The following FSTL5 variants were observed in gnomAD, a reference collection of about 807,000 sequenced individuals.
FSTL5 encodes follistatin-related protein 5.
FSTL5 carries 62 observed loss-of-function variants against 89.1 expected under a neutral mutation model. That is an observed-to-expected ratio of 0.70 (90% CI 0.57 to 0.86). FSTL5 has a LOEUF of 0.86. Among genes scored for constraint, FSTL5 ranks in the 40% least tolerant of loss-of-function variants. The pLI is 0.00. For missense variants in FSTL5, 1,057 were observed against 1,001.6 expected, an observed-to-expected ratio of 1.06 and a Z score of -0.75; for synonymous variants, 383 against 346.2, an observed-to-expected ratio of 1.11 and a Z score of -1.18.
chr4:161,909,800 G>A (rs1302400950), intron 4 of FSTL5, among the ~76,000 whole-genome samples: 1 of 151,896 alleles, frequency 6.6e-6, no homozygotes, highest in Non-Finnish European at 1.5e-5. Context: ...ACATCCAGAG[G>A]CTCTACTCCT....
chr4:162,006,582 T>A (rs1308897097), intron 3 of FSTL5, among the ~76,000 whole-genome samples: 1 of 151,988 alleles, frequency 6.6e-6, no homozygotes, highest in Non-Finnish European at 1.5e-5. Flanking sequence ...GAGTACTCAA[T>A]AATTAGCATT....
intron 3 of FSTL5, among the ~76,000 whole-genome samples, chr4:161,980,850 C>T (rs915181859): frequency 7.0e-6 from 1 of 142,172 alleles, no homozygotes; most frequent in Non-Finnish European, 1.5e-5. Context: ...GATCTCGGCA[C>T]ACTGCAACCT....
intron 11 of FSTL5, among the ~76,000 whole-genome samples, chr4:161,502,455 G>C (rs758440716): frequency 6.6e-6 from 1 of 151,754 alleles, no homozygotes; most frequent in Middle Eastern, 3.2e-3. Flanking sequence ...TCAAGATTTA[G>C]TTTTTTATTT....
At chr4:161,993,965 G>A (rs1212963208) in intron 3 of FSTL5, among the ~76,000 whole-genome samples, 1 of 152,084 alleles carries the variant, frequency 6.6e-6, no homozygotes, top group East Asian at 1.9e-4. Context: ...GTGTCATGGG[G>A]GTTTGTTGTA....
intron 11 of FSTL5, among the ~76,000 whole-genome samples, chr4:161,500,376 G>A (rs1222484711): frequency 6.6e-6 from 1 of 151,968 alleles, no homozygotes; most frequent in Admixed American, 6.6e-5. Flanking sequence ...TTAAATAAAT[G>A]TTTCATAGTT....
At chr4:161,949,654 G>T (rs1254303953) in intron 3 of FSTL5, among the ~76,000 whole-genome samples, 1 of 151,224 alleles carries the variant, frequency 6.6e-6, no homozygotes, top group Non-Finnish European at 1.5e-5. Context: ...ATTGTTTATA[G>T]TAATTATTAT....
chr4:161,929,731 T>G (rs1334980313), intron 3 of FSTL5, among the ~76,000 whole-genome samples: 1 of 149,224 alleles, frequency 6.7e-6, no homozygotes, highest in African/African-American at 2.5e-5. Context: ...AATTATAGCT[T>G]AGAAAAACAT....
intron 3 of FSTL5, among the ~76,000 whole-genome samples, chr4:162,029,220 A>G (rs941666205): frequency 6.6e-6 from 1 of 151,824 alleles, no homozygotes; most frequent in Non-Finnish European, 1.5e-5. Flanking sequence ...GCGCCATAAT[A>G]CATTTATTGT....
intron 8 of FSTL5, among the ~76,000 whole-genome samples, chr4:161,582,947 G>T (rs1439706755): frequency 6.6e-6 from 1 of 152,120 alleles, no homozygotes; most frequent in Non-Finnish European, 1.5e-5. Context: ...CAGCACTTTG[G>T]GAGGCTGAAG....
chr4:162,088,535 A>G (rs1434048666), intron 2 of FSTL5, among the ~76,000 whole-genome samples: 13 of 152,142 alleles, frequency 8.5e-5, no homozygotes, highest in Non-Finnish European at 2.9e-5. Flanking sequence ...ATTTTCATGC[A>G]TATTTGAGAG....
intron 8 of FSTL5, among the ~76,000 whole-genome samples, chr4:161,580,923 G>A (rs1339711168): frequency 6.6e-6 from 1 of 152,158 alleles, no homozygotes; most frequent in Non-Finnish European, 1.5e-5. Context: ...CCATAGATGA[G>A]GAGGCCTGTG....
At chr4:161,461,888 A>C (rs1733596793) in intron 13 of FSTL5, among the ~76,000 whole-genome samples, 1 of 151,938 alleles carries the variant, frequency 6.6e-6, no homozygotes, top group African/African-American at 2.4e-5. Context: ...TAGATCTTTA[A>C]AATGTTAAAG....
At chr4:162,163,166 T>C (rs1026599708) in intron 1 of FSTL5, among the ~76,000 whole-genome samples, 1 of 152,142 alleles carries the variant, frequency 6.6e-6, no homozygotes, top group Admixed American at 6.5e-5. Flanking sequence ...AGGAATAATA[T>C]TGATGATTAA....
chr4:161,678,027 A>G (rs138007976), intron 6 of FSTL5, among the ~76,000 whole-genome samples: 4 of 151,958 alleles, frequency 2.6e-5, no homozygotes, highest in Admixed American at 2.0e-4. Flanking sequence ...GAAGACTGCA[A>G]TGGAATGATG....
At chr4:162,091,792 T>C (rs961922955) in intron 2 of FSTL5, among the ~76,000 whole-genome samples, 2 of 152,022 alleles carry the variant, frequency 1.3e-5, no homozygotes, top group African/African-American at 4.8e-5. Flanking sequence ...ATAAAAAAAA[T>C]TATAATCAAC....
intron 3 of FSTL5, among the ~76,000 whole-genome samples, chr4:161,930,679 T>C (rs563707592): frequency 1.3e-5 from 2 of 151,920 alleles, no homozygotes; most frequent in South Asian, 2.1e-4. Flanking sequence ...AAAATCAGGA[T>C]GCAAAGCGCT....
chr4:161,675,850 T>C (rs537935258), intron 6 of FSTL5, among the ~76,000 whole-genome samples: 100 of 152,214 alleles, frequency 6.6e-4, no homozygotes, highest in African/African-American at 2.2e-3. Flanking sequence ...AAAAGTCATA[T>C]TTTTGTAGAA....
chr4:162,018,524 T>G (rs1375929776), intron 3 of FSTL5, among the ~76,000 whole-genome samples: 1 of 136,250 alleles, frequency 7.3e-6, no homozygotes, highest in Non-Finnish European at 1.5e-5. Context: ...GTCAGATGCT[T>G]ACTGGTAATA....
At position 162,152,135 on chromosome 4, in the gene FSTL5, C is replaced by T. The variant is rs558225949; in HGVS notation, c.-17+11480G>A. Among the ~76,000 whole-genome samples, 181 of 152,204 alleles carry T rather than the reference C, an allele frequency of 1.2e-3. 1 individual carries two copies. The highest frequency in any genetic ancestry group is 3.4e-3 in the Middle Eastern group (1 of 294). On this transcript the variant is annotated intron_variant, in intron 1 of 15. Coordinates refer to ENST00000306100, the MANE Select transcript of FSTL5 (RefSeq NM_020116.5). ...AAAGCCCTTCGACTTTCTCAGGCCTCAGGACATGTAGAGAAACAGGGCACT... is the reference window on the plus strand; with the variant it reads ...AAAGCCCTTCGACTTTCTCAGGCCTTAGGACATGTAGAGAAACAGGGCACT...
Sources: allele counts gnomAD v4.1 joint callset (sites outside exome capture counted in the v4.1 genomes callset), GRCh38; gene constraint gnomAD v4.1.1; transcripts MANE v1.5; gene names NCBI Gene and HGNC (gene_info 2026-07-23, HGNC 2026-07-21).